The following COQ8A variants were observed in gnomAD, a reference collection of about 807,000 sequenced individuals.
COQ8A encodes the protein coenzyme Q8A.
In COQ8A, 51 loss-of-function variants were observed where a neutral mutation model predicts 65.0. The observed-to-expected ratio is 0.78, with a 90% confidence interval of 0.63 to 0.99. COQ8A has a LOEUF of 0.99. Ranked by LOEUF, COQ8A falls within the 50% of genes least tolerant of loss-of-function variation. The pLI is 0.00. For missense variants in COQ8A, 940 were observed against 875.0 expected (o/e 1.07, Z -0.94); for synonymous variants, 371 against 353.2 (o/e 1.05, Z -0.57).
chr1:226,964,882 T>C lies in COQ8A; in HGVS notation c.178-118T>C, dbSNP rs927338262. ...GCCTCAGGTGCAGCACTGTGCCACCTCTGGAGGTGGGAGGGGGCGGGATGC... is the reference window on the plus strand; with the variant it reads ...GCCTCAGGTGCAGCACTGTGCCACCCCTGGAGGTGGGAGGGGGCGGGATGC... On this transcript the variant is annotated intron_variant, in intron 2 of 14. Transcript: ENST00000366777. 1.3e-5 allele frequency: 16 copies of C among 1,218,914 alleles called. No homozygotes were observed. In the East Asian group the frequency reaches 3.3e-4, roughly 25 times the overall value. The allele number at this position is 1,218,914 out of a possible 1,614,324, so 75.5% of individuals were successfully genotyped here.
Position 226,982,951 on chromosome 1 carries a change from G to A in COQ8A, c.997G>A (p.Glu333Lys). The A allele has an allele frequency of 6.2e-7, 1 of 1,609,428 alleles. No individual in the cohort carries two copies. Among genetic ancestry groups the A allele is most frequent in the Non-Finnish European group, 8.5e-7 (1 of 1,178,430 alleles). Residue 333 changes from glutamate to lysine, a missense_variant, in exon 8 of 15, where the codon GAG becomes AAG. Coordinates refer to ENST00000366777, the MANE Select transcript of COQ8A (RefSeq NM_020247.5). Reference sequence around the variant, plus strand: ...GCGGGACAAGTTGGAATACTTCGAGGAGCGGCCCTTCGCCGCCGCATCCAT... The same window carrying A: ...GCGGGACAAGTTGGAATACTTCGAGAAGCGGCCCTTCGCCGCCGCATCCAT... ...NWRDKLEYFE[E>K]RPFAAASIGQ... is the part of the protein sequence containing the mutation.
At chr1:226,970,871 T>C (rs1170673743) in intron 4 of COQ8A, among the ~76,000 whole-genome samples, 1 of 152,214 alleles carries the variant, frequency 6.6e-6, no homozygotes, top group Non-Finnish European at 1.5e-5. Flanking sequence ...TTTCTTTTTC[T>C]CTGAGGAACT....
intron 1 of COQ8A, among the ~76,000 whole-genome samples, chr1:226,944,418 G>T (rs1053387764): frequency 2.6e-5 from 4 of 151,894 alleles, no homozygotes; most frequent in Non-Finnish European, 4.4e-5. Flanking sequence ...GGGCTTTTAT[G>T]ATTGAAGGCA....
intron 1 of COQ8A, among the ~76,000 whole-genome samples, chr1:226,953,113 T>A (rs1657486121): frequency 6.6e-6 from 1 of 152,212 alleles, no homozygotes; most frequent in South Asian, 2.1e-4. Flanking sequence ...CACTGCAGCT[T>A]CCGCCTCCTG....
chr1:226,953,380 C>T (rs933332696), intron 1 of COQ8A, among the ~76,000 whole-genome samples: 12 of 152,212 alleles, frequency 7.9e-5, no homozygotes, highest in East Asian at 5.8e-4. Context: ...ACTATTCCAC[C>T]GTTTAGCTAA....
chr1:226,975,507 TTGAAA>T (rs1478945178), intron 4 of COQ8A, among the ~76,000 whole-genome samples: 1 of 152,270 alleles, frequency 6.6e-6, no homozygotes, highest in African/African-American at 2.4e-5. Context: ...TGATTACTTG[TTGAAA>T]TGATAACATT....
At chr1:226,945,241 G>T (rs1426942195) in intron 1 of COQ8A, among the ~76,000 whole-genome samples, 1 of 152,172 alleles carries the variant, frequency 6.6e-6, no homozygotes, top group Non-Finnish European at 1.5e-5. Flanking sequence ...CGGTGTGCCT[G>T]AGGTCACCCG....
At chr1:226,961,206 C>T (rs943393455) in intron 1 of COQ8A, among the ~76,000 whole-genome samples, 171 bp from the exon 2 acceptor site, 1 of 152,212 alleles carries the variant, frequency 6.6e-6, no homozygotes, top group Non-Finnish European at 1.5e-5. Context: ...TCCAGAGTCA[C>T]GTGGAGCCTC....
At chr1:226,960,603 AGTGGCGGTGGTGATGGTGGTGGTGGTG>A (rs1658186397) in intron 1 of COQ8A, among the ~76,000 whole-genome samples, 1 of 49,964 alleles carries the variant, frequency 2.0e-5, no homozygotes, top group African/African-American at 8.7e-5. Flanking sequence ...TGGTGGCGGC[AGTGGCGGTGGTGATGGTGGTGGTGGTG>A]GTGGTGGTGG....
At position 226,974,618 on chromosome 1, in the gene COQ8A, G is replaced by A. The variant is rs374216762; in HGVS notation, c.656-2831G>A. Among the ~76,000 whole-genome samples, 56 of 152,330 alleles carry A rather than the reference G, an allele frequency of 3.7e-4. No individual in the cohort carries two copies. In the South Asian group the frequency reaches 4.4e-3, roughly 12 times the overall value. On this transcript the variant is annotated intron_variant, in intron 4 of 14. Transcript: ENST00000366777. Reference sequence around the variant, plus strand: ...GGTTCCTGAGCAATGCGCTGAGTCTGGGGCGGGAGGGCCTCAGTTTATTCT... The same window carrying A: ...GGTTCCTGAGCAATGCGCTGAGTCTAGGGCGGGAGGGCCTCAGTTTATTCT...
intron 2 of COQ8A, among the ~76,000 whole-genome samples, chr1:226,963,476 G>T (rs1658378304): frequency 6.6e-6 from 1 of 152,236 alleles, no homozygotes; most frequent in African/African-American, 2.4e-5. Context: ...GACACCGACA[G>T]GTGTTAGTAG....
At chr1:226,955,957 C>G (rs545140663) in intron 1 of COQ8A, among the ~76,000 whole-genome samples, 1 of 142,854 alleles carries the variant, frequency 7.0e-6, no homozygotes, top group Non-Finnish European at 1.5e-5. Flanking sequence ...GGTTCCCGCT[C>G]TCCCTGATTC....
rs532761327 is a variant in COQ8A at position 226,949,201 on chromosome 1, C to T, written c.-10+8802C>T. On this transcript the variant is annotated intron_variant, in intron 1 of 14. Coordinates refer to ENST00000366777, the MANE Select transcript of COQ8A (RefSeq NM_020247.5). This position sits in a 1 kb window ranked among gnomAD's most constrained non-coding sequence, Gnocchi z 4.0. ...CACATGGCTCGCGCGTAGCTGGAGG[C>T]TGGAAAGGAGGCCGGGGGCCTGATT... Among the ~76,000 whole-genome samples, 6 of 151,808 alleles carry T rather than the reference C, an allele frequency of 4.0e-5. No individual in the cohort carries two copies. Among genetic ancestry groups the T allele is most frequent in the Non-Finnish European group, 8.8e-5 (6 of 67,978 alleles).
chr1:226,987,468 G>A lies in COQ8A; in HGVS notation c.*731G>A, dbSNP rs1158323788. Reference sequence around the variant, plus strand: ...CAGCCAAAGGCTCCTCACAGGCGCTGTGAATTTTTGTACAAGTCTTGTAAT... The same window carrying A: ...CAGCCAAAGGCTCCTCACAGGCGCTATGAATTTTTGTACAAGTCTTGTAAT... On this transcript the variant is annotated 3_prime_UTR_variant, in exon 15 of 15. Coordinates refer to ENST00000366777, the MANE Select transcript of COQ8A (RefSeq NM_020247.5). 1 of 152,338 alleles carries A rather than the reference G, an allele frequency of 6.6e-6. No individual in the cohort carries two copies. Among genetic ancestry groups the A allele is most frequent in the African/African-American group, 2.4e-5 (1 of 41,478 alleles). 9.4% of individuals were successfully genotyped at this position (152,338 alleles called of 1,614,324 possible).
rs569960943 is a variant in COQ8A, at chr1:226,953,167, T to C, written c.-9-8210T>C. ...GCTTCAGCCTCCCGAGTAGCTGGGA[T>C]TACAGGCGCATGCCACCACGCTTGG... is the stretch of plus-strand genomic sequence containing the variant. On this transcript the variant is annotated intron_variant, in intron 1 of 14. Transcript: ENST00000366777. 4.6e-5 allele frequency among the ~76,000 whole-genome samples: 7 copies of C among 152,262 alleles called. No homozygotes were observed. The South Asian group carries it at 1.2e-3, about 27-fold the overall frequency.
At chr1:226,976,741 G>C (rs1224799097) in intron 4 of COQ8A, among the ~76,000 whole-genome samples, 2 of 152,190 alleles carry the variant, frequency 1.3e-5, no homozygotes, top group South Asian at 2.1e-4. Flanking sequence ...TAAATGAGGT[G>C]TTAGTGGACC....
intron 1 of COQ8A, among the ~76,000 whole-genome samples, chr1:226,948,868 A>C (rs1238835909): frequency 6.6e-6 from 1 of 152,242 alleles, no homozygotes; most frequent in Non-Finnish European, 1.5e-5. Flanking sequence ...CTGGGAATCA[A>C]GGGCCTGAAT....
chr1:226,969,337 C>T (rs771111305), intron 4 of COQ8A, among the ~76,000 whole-genome samples: 18 of 152,162 alleles, frequency 1.2e-4, no homozygotes, highest in African/African-American at 1.7e-4. Flanking sequence ...CTTGCTCTGT[C>T]GCCCAGGCTG....
chr1:226,961,301 T>TTGGTGTGGAGTTGG, intron 1 of COQ8A, 76 bp from the exon 2 acceptor site: 1 of 1,485,408 alleles, frequency 6.7e-7, no homozygotes, highest in Admixed American at 1.7e-5. Flanking sequence ...TGCTCAGAGT[T>TTGGTGTGGAGTTGG]TGGTGTGGAG....
Sources: allele counts gnomAD v4.1 joint callset (sites outside exome capture counted in the v4.1 genomes callset), GRCh38; gene constraint gnomAD v4.1.1; non-coding constraint Gnocchi (gnomAD v3.1); transcripts MANE v1.5; gene names NCBI Gene and HGNC (gene_info 2026-07-23, HGNC 2026-07-21).